UPF2: variants seen among roughly 807,000 people sequenced by gnomAD.
The protein encoded by UPF2 is UPF2 regulator of nonsense mediated mRNA decay.
A neutral mutation model predicts 141.4 loss-of-function variants in UPF2; 17 were observed. That is an observed-to-expected ratio of 0.12 (90% CI 0.08 to 0.18). The LOEUF is 0.18. Among genes scored for constraint, UPF2 ranks in the 10% least tolerant of loss-of-function variants. The pLI is 1.00. For synonymous variants in UPF2, 540 were observed against 498.0 expected (o/e 1.08, Z -1.12); for missense variants, 1,152 against 1,515.9 (o/e 0.76, Z 3.99).
At chr10:11,982,365 T>A (rs1029788711) in intron 8 of UPF2, among the ~76,000 whole-genome samples, 2 of 152,030 alleles carry the variant, frequency 1.3e-5, no homozygotes, top group Non-Finnish European at 2.9e-5. Context: ...GCAAACAGCA[T>A]CTCCATGACC....
At chr10:12,005,559 TTA>T (rs1834021812) in intron 4 of UPF2, among the ~76,000 whole-genome samples, 1 of 152,100 alleles carries the variant, frequency 6.6e-6, no homozygotes, top group Non-Finnish European at 1.5e-5. Context: ...TATAATAAAT[TTA>T]GAGGGTCCTG....
At chr10:12,015,605 G>A (rs1358644000) in intron 3 of UPF2, among the ~76,000 whole-genome samples, 1 of 152,292 alleles carries the variant, frequency 6.6e-6, no homozygotes, top group South Asian at 2.1e-4. Context: ...AGGAGGCCGA[G>A]GCAGAAGAAT....
chr10:11,979,196 G>A lies in UPF2; in HGVS notation c.1845-31C>T. 2.0e-6 allele frequency: 3 copies of A among 1,478,818 alleles called. No homozygotes were observed. In the South Asian group the frequency reaches 3.6e-5, roughly 18 times the overall value. 91.6% of individuals were successfully genotyped at this position (1,478,818 alleles called of 1,614,324 possible). A position where few individuals can be genotyped will look rare whatever the true frequency, so the allele number is the denominator to read the frequency against. The stretch of plus-strand genomic sequence containing the variant: ...AAAGTTATATGTGATATGTGTCAAA[G>A]GAAAGACATATCAAAAATAATTCAT... On this transcript the variant is annotated intron_variant, in intron 8 of 21. Coordinates refer to ENST00000357604, the MANE Select transcript of UPF2 (RefSeq NM_015542.4). The surrounding 1 kb of genome is among the most constrained non-coding windows in gnomAD (Gnocchi z 6.2).
At chr10:11,963,963 G>A (rs1359352696) in intron 11 of UPF2, 46 bp downstream of exon 11, 3 of 1,385,320 alleles carry the variant, frequency 2.2e-6, no homozygotes, top group Non-Finnish European at 3.0e-6. Context: ...TGAAGCACAG[G>A]TAAATCAAGA....
chr10:11,947,649 T>C (rs191554903), intron 16 of UPF2, among the ~76,000 whole-genome samples: 11 of 151,282 alleles, frequency 7.3e-5, no homozygotes, highest in Admixed American at 5.3e-4. Context: ...TAGCTGGGCA[T>C]GGTAGCACGT....
At position 11,979,038 on chromosome 10, in the gene UPF2, T is replaced by G. The variant is rs1833552028; in HGVS notation, c.1953+19A>C. ...GTATAAGAATATAAATATTTCAAAA[T>G]AAATGCTTAAATACATACATGAAAT... is the stretch of plus-strand genomic sequence containing the variant. On this transcript the variant is annotated intron_variant, in intron 9 of 21. Transcript: ENST00000357604. This position sits in a 1 kb window ranked among gnomAD's most constrained non-coding sequence, Gnocchi z 6.2. 1 of 1,564,720 alleles carries G rather than the reference T, an allele frequency of 6.4e-7. No homozygotes were observed. Among genetic ancestry groups the G allele is most frequent in the Admixed American group, 1.7e-5 (1 of 58,750 alleles).
At chr10:11,947,786 CA>C (rs58897556) in intron 16 of UPF2, among the ~76,000 whole-genome samples, 19,655 of 65,878 alleles carry the variant, frequency 0.3, 1,080 homozygotes, top group African/African-American at 0.41. Context: ...AACCTTGTCT[CA>C]AAAAAAAAAA....
Position 12,001,727 on chromosome 10 carries a change from C to G in UPF2, c.1603G>C (p.Glu535Gln). ...LEINDDTLEL[E>Q]GGDEAEDLTK... is the part of the protein sequence containing the mutation. ...AGATCTTCAGCTTCATCTCCACCCT[C>G]TAATTCTAAGGTGTCATCATTAATT... Residue 535 changes from glutamate to glutamine, a missense_variant, in exon 6 of 22, where the codon GAG becomes CAG. Glu to Gln is a conservative substitution (Grantham distance 29). Around this residue, in one of 4 missense-constraint regions of UPF2, gnomAD observed 739 missense variants for 1,032.2 expected, o/e 0.72. Coordinates refer to ENST00000357604, the MANE Select transcript of UPF2 (RefSeq NM_015542.4). 1 of 1,612,930 alleles carries G rather than the reference C, an allele frequency of 6.2e-7. No individual in the cohort carries two copies. The highest frequency in any genetic ancestry group is 2.2e-5 in the East Asian group (1 of 44,788).
At chr10:12,001,544 G>T in intron 6 of UPF2, 132 bp downstream of exon 6, 1 of 861,032 alleles carries the variant, frequency 1.2e-6, no homozygotes, top group African/African-American at 1.7e-5. Flanking sequence ...TGAAAACAGT[G>T]ATGGACTGAA....
chr10:11,983,069 T>C (rs1833625921), intron 8 of UPF2, among the ~76,000 whole-genome samples: 1 of 152,238 alleles, frequency 6.6e-6, no homozygotes, highest in Non-Finnish European at 1.5e-5. Context: ...GCCTGGAACA[T>C]AGGCAGGTGC....
rs80060803 is a variant in UPF2, at chr10:11,939,763, C to T, written c.3378+2902G>A. Among the ~76,000 whole-genome samples the T allele has an allele frequency of 2.6e-5, 4 of 152,002 alleles. No homozygotes were observed. The highest frequency in any genetic ancestry group is 4.4e-5 in the Non-Finnish European group (3 of 68,000). On this transcript the variant is annotated intron_variant, in intron 18 of 21. Coordinates refer to ENST00000357604, the MANE Select transcript of UPF2 (RefSeq NM_015542.4). This position sits in a 1 kb window ranked among gnomAD's most constrained non-coding sequence, Gnocchi z 4.8. ...AACTCCTGACCTCAGGTGATCCACCCGCCTCGGCCTCCCAAAGTGCTGGGA... is the reference window on the plus strand; with the variant it reads ...AACTCCTGACCTCAGGTGATCCACCTGCCTCGGCCTCCCAAAGTGCTGGGA...
At chr10:12,018,484 G>A (rs1476253305) in intron 3 of UPF2, among the ~76,000 whole-genome samples, 1 of 152,168 alleles carries the variant, frequency 6.6e-6, no homozygotes, top group Non-Finnish European at 1.5e-5. Flanking sequence ...AGGAGGCTGA[G>A]GTAGGAGAAT....
chr10:12,023,122 A>G (rs1025214560), intron 3 of UPF2, among the ~76,000 whole-genome samples: 1 of 152,240 alleles, frequency 6.6e-6, no homozygotes, highest in Non-Finnish European at 1.5e-5. Flanking sequence ...ATTCTGTAAC[A>G]TAATTGAGTT....
chr10:11,966,960 G>C (rs1833331506), intron 10 of UPF2, among the ~76,000 whole-genome samples: 1 of 152,182 alleles, frequency 6.6e-6, no homozygotes, highest in Non-Finnish European at 1.5e-5. Flanking sequence ...ATAATACAGA[G>C]AAACCAGCTT....
rs149777116 is a variant in UPF2, at chr10:11,935,052, G to T, written c.3546+1493C>A. ...GTACATGAGAAGTTGCCTGACAAATGCAGGGATAAAATTTAGGCATCATCT... is the reference window on the plus strand; with the variant it reads ...GTACATGAGAAGTTGCCTGACAAATTCAGGGATAAAATTTAGGCATCATCT... On this transcript the variant is annotated intron_variant, in intron 19 of 21. Transcript: ENST00000357604. The surrounding 1 kb of genome is among the most constrained non-coding windows in gnomAD (Gnocchi z 4.9). 1.2e-4 allele frequency among the ~76,000 whole-genome samples: 18 copies of T among 152,242 alleles called. No individual in the cohort carries two copies. Among genetic ancestry groups the T allele is most frequent in the African/African-American group, 4.3e-4 (18 of 41,534 alleles).
intron 12 of UPF2, among the ~76,000 whole-genome samples, chr10:11,957,826 C>A (rs1418141942): frequency 6.6e-6 from 1 of 152,108 alleles, no homozygotes; most frequent in African/African-American, 2.4e-5. Flanking sequence ...AATAATCTCA[C>A]TTAAAAAATA....
chr10:12,012,312 C>T (rs1212848558), intron 4 of UPF2, among the ~76,000 whole-genome samples: 3 of 151,914 alleles, frequency 2.0e-5, no homozygotes, highest in Non-Finnish European at 4.4e-5. Context: ...TCCACCTGCC[C>T]TGGCCTCCCA....
chr10:12,035,032 A>T (rs371488405), intron 2 of UPF2, 27 bp downstream of exon 2: 2 of 1,530,090 alleles, frequency 1.3e-6, no homozygotes, highest in Non-Finnish European at 1.7e-6. Flanking sequence ...ATTCCCTCAC[A>T]TCAATAAATA....
chr10:11,966,360 T>C (rs1564347755), intron 10 of UPF2, among the ~76,000 whole-genome samples: 1 of 152,258 alleles, frequency 6.6e-6, no homozygotes, highest in African/African-American at 2.4e-5. Flanking sequence ...GGTTGCATAC[T>C]GATTCAGAAA....
Sources: allele counts gnomAD v4.1 joint callset (sites outside exome capture counted in the v4.1 genomes callset), GRCh38; gene constraint gnomAD v4.1.1; regional missense constraint gnomAD v4.1.1; non-coding constraint Gnocchi (gnomAD v3.1); transcripts MANE v1.5; gene names NCBI Gene and HGNC (gene_info 2026-07-23, HGNC 2026-07-21).